Variants in MTRES1 observed in about 807,000 individuals in gnomAD.
MTRES1 encodes the protein uncharacterized protein C6orf203.
MTRES1 carries 11 observed loss-of-function variants against 17.4 expected under a neutral mutation model. That is an observed-to-expected ratio of 0.63 (90% CI 0.40 to 1.05). The LOEUF (loss-of-function observed/expected upper bound fraction) is 1.05, where lower values mean the gene tolerates loss of function less well. Among genes scored for constraint, MTRES1 ranks in the 50% least tolerant of loss-of-function variants. MTRES1 has a pLI of 0.00. For synonymous variants in MTRES1, 94 were observed against 99.6 expected (o/e 0.94, Z 0.34); for missense variants, 268 against 276.2 (o/e 0.97, Z 0.21).
At chr6:107,045,060 C>A (rs1554228224) in intron 3 of MTRES1, among the ~76,000 whole-genome samples, 1 of 151,938 alleles carries the variant, frequency 6.6e-6, no homozygotes, top group Non-Finnish European at 1.5e-5. Flanking sequence ...TGGTGGCAGG[C>A]GCTTGTCCCA....
chr6:107,038,940 G>A (rs1774094910), intron 1 of MTRES1, among the ~76,000 whole-genome samples: 1 of 152,108 alleles, frequency 6.6e-6, no homozygotes, highest in African/African-American at 2.4e-5. Context: ...TGTAATTACA[G>A]CTACTGGGGA....
chr6:107,045,761 G>A (rs1448050089), intron 3 of MTRES1, among the ~76,000 whole-genome samples: 3 of 152,098 alleles, frequency 2.0e-5, no homozygotes, highest in Non-Finnish European at 2.9e-5. Context: ...CACAAGACAC[G>A]AGGTATTGGA....
At chr6:107,034,424 TCTGGTATTGCA>T (rs1362828434) in intron 1 of MTRES1, among the ~76,000 whole-genome samples, 2 of 151,160 alleles carry the variant, frequency 1.3e-5, no homozygotes, top group African/African-American at 2.4e-5. Context: ...ATCTGTTCTC[TCTGGTATTGCA>T]CTGGTTGGTG....
At position 107,039,876 on chromosome 6, in the gene MTRES1, G is replaced by T. The variant is rs1774136079; in HGVS notation, c.116G>T (p.Trp39Leu). 1 of 1,613,878 alleles carries T rather than the reference G, an allele frequency of 6.2e-7. No homozygotes were observed. The highest frequency in any genetic ancestry group is 1.7e-5 in the Admixed American group (1 of 59,960). Residue 39 changes from tryptophan (W) to leucine (L), a missense_variant, in exon 2 of 4, where the codon TGG becomes TTG. Trp to Leu is a moderately conservative substitution (Grantham distance 61, BLOSUM62 -2). Coordinates refer to ENST00000311381, the MANE Select transcript of MTRES1 (RefSeq NM_016487.5). ...TPSSYKLCTS[W>L]NRYLYFSSTK... ...TCATCATACAAACTCTGTACTTCCT[G>T]GAATCGATACTTGTATTTTTCTAGT...
chr6:107,045,999 A>G (rs1422088998), intron 3 of MTRES1, among the ~76,000 whole-genome samples: 1 of 152,196 alleles, frequency 6.6e-6, no homozygotes, highest in East Asian at 1.9e-4. Context: ...GGGATCATGC[A>G]GGTTCTTGTA....
intron 2 of MTRES1, among the ~76,000 whole-genome samples, chr6:107,041,709 T>C (rs1343548201): frequency 1.3e-5 from 2 of 151,904 alleles, no homozygotes; most frequent in South Asian, 2.1e-4. Flanking sequence ...TGTATTTTTT[T>C]AGTAGAGACG....
chr6:107,039,776 G>C lies in MTRES1; in HGVS notation c.16G>C (p.Val6Leu). 1 of 1,606,844 alleles carries C rather than the reference G, an allele frequency of 6.2e-7. No individual in the cohort carries two copies. Among genetic ancestry groups the C allele is most frequent in the South Asian group, 1.1e-5 (1 of 89,198 alleles). The change falls in exon 2 of 4, where the codon GTT (valine) becomes CTT (leucine). Residue 6 changes from valine to leucine, a missense_variant. Coordinates refer to ENST00000311381, the MANE Select transcript of MTRES1 (RefSeq NM_016487.5). ...TATAAGCGCCATGGCTATGGCTAGT[G>C]TTAAATTGCTTGCCGGTGTTTTAAG... MAMASVKLLAGVLRKP... is the reference protein window; with the variant it reads MAMASLKLLAGVLRKP...
intron 1 of MTRES1, among the ~76,000 whole-genome samples, chr6:107,033,601 G>A (rs538913628): frequency 6.6e-6 from 1 of 152,040 alleles, no homozygotes; most frequent in South Asian, 2.1e-4. Flanking sequence ...GGCAGATCAC[G>A]AGGTCAGGAG....
intron 1 of MTRES1, among the ~76,000 whole-genome samples, chr6:107,034,472 A>G (rs1036581154): frequency 3.0e-5 from 4 of 134,974 alleles, no homozygotes; most frequent in African/African-American, 1.1e-4. Context: ...AAAAAAAAGG[A>G]AAATAGATGT....
At chr6:107,029,586 C>T (rs1773764585) in intron 1 of MTRES1, among the ~76,000 whole-genome samples, 1 of 151,642 alleles carries the variant, frequency 6.6e-6, no homozygotes, top group South Asian at 2.1e-4. Flanking sequence ...CAGGTTCAAG[C>T]GATTCTTCAG....
chr6:107,038,830 G>A (rs1028787636), intron 1 of MTRES1, among the ~76,000 whole-genome samples: 32 of 152,076 alleles, frequency 2.1e-4, no homozygotes, highest in African/African-American at 7.5e-4. Flanking sequence ...CAAGGCAGGC[G>A]GATCACCTGA....
intron 1 of MTRES1, among the ~76,000 whole-genome samples, chr6:107,030,686 A>T (rs1421281645): frequency 6.6e-6 from 1 of 152,190 alleles, no homozygotes; most frequent in Non-Finnish European, 1.5e-5. Flanking sequence ...CCGCCCAGAA[A>T]AAAAGCAGGT....
Position 107,049,254 on chromosome 6 carries a change from C to T in MTRES1, c.544-1803C>T, listed in dbSNP as rs1037901923. On this transcript the variant is annotated intron_variant, in intron 3 of 3. Transcript: ENST00000311381. Reference sequence around the variant, plus strand: ...AGCCCTCTAGTAGCCTTATAAATGGCAATGTGTGCCCACTTACTGTCAGTG... The same window carrying T: ...AGCCCTCTAGTAGCCTTATAAATGGTAATGTGTGCCCACTTACTGTCAGTG... 3.3e-5 allele frequency among the ~76,000 whole-genome samples: 5 copies of T among 152,126 alleles called. No homozygotes were observed. In the South Asian group the frequency reaches 1.0e-3, roughly 32 times the overall value.
chr6:107,043,410 G>C (rs1332703585), intron 2 of MTRES1, among the ~76,000 whole-genome samples: 1 of 151,926 alleles, frequency 6.6e-6, no homozygotes, highest in Admixed American at 6.6e-5. Context: ...GTGGGGGTTA[G>C]GGGTGCCAAC....
chr6:107,050,848 A>G (rs1171758894), intron 3 of MTRES1, among the ~76,000 whole-genome samples: 1 of 152,064 alleles, frequency 6.6e-6, no homozygotes, highest in Non-Finnish European at 1.5e-5. Context: ...AAGTGCTGGG[A>G]TTACAGGCGT....
intron 3 of MTRES1, among the ~76,000 whole-genome samples, chr6:107,048,790 AAAAAG>A (rs1227686686): frequency 1.3e-5 from 2 of 151,610 alleles, no homozygotes; most frequent in Non-Finnish European, 2.9e-5. Flanking sequence ...AAAAAAAAAA[AAAAAG>A]AAAAAAAAAA....
At chr6:107,031,447 TTTC>T (rs1161816053) in intron 1 of MTRES1, among the ~76,000 whole-genome samples, 1,141 of 5,040 alleles carry the variant, frequency 0.23, 22 homozygotes, top group East Asian at 0.41. Context: ...AAAGGAGTCT[TTTC>T]TTTTTTTTTT....
At chr6:107,050,560 T>C (rs1013149410) in intron 3 of MTRES1, among the ~76,000 whole-genome samples, 2 of 146,962 alleles carry the variant, frequency 1.4e-5, no homozygotes, top group Admixed American at 7.2e-5. Flanking sequence ...TCTTTTTTTT[T>C]TTTTTTTTTT....
At chr6:107,044,392 CAATT>C (rs1398254313) in intron 3 of MTRES1, 60 bp downstream of exon 3, 5 of 1,353,610 alleles carry the variant, frequency 3.7e-6, no homozygotes, top group African/African-American at 1.4e-5. Context: ...GCTAGTAACT[CAATT>C]AATGCTGTCC....
Sources: allele counts gnomAD v4.1 joint callset (sites outside exome capture counted in the v4.1 genomes callset), GRCh38; gene constraint gnomAD v4.1.1; transcripts MANE v1.5; gene names NCBI Gene and HGNC (gene_info 2026-07-23, HGNC 2026-07-21).